The following SFT2D2 variants were observed in gnomAD, a reference collection of about 807,000 sequenced individuals.
SFT2D2 encodes the protein vesicle transport protein SFT2B.
A neutral mutation model predicts 27.4 loss-of-function variants in SFT2D2; 21 were observed. The ratio of observed to expected loss-of-function variants is 0.77; its 90% CI spans 0.54 to 1.10. The LOEUF is 1.10. Ranked by LOEUF, SFT2D2 falls within the 50% of genes least tolerant of loss-of-function variation. SFT2D2 has a pLI of 0.00. For missense variants in SFT2D2, 187 were observed against 194.2 expected, an observed-to-expected ratio of 0.96 and a Z score of 0.22; for synonymous variants, 72 against 71.7, an observed-to-expected ratio of 1.00 and a Z score of -0.02.
rs1161705452 is a variant in SFT2D2, at chr1:168,251,411, T to G, written c.*8871T>G. 1 of 152,206 alleles carries G rather than the reference T, an allele frequency of 6.6e-6. No homozygotes were observed. Among genetic ancestry groups the G allele is most frequent in the Non-Finnish European group, 1.5e-5 (1 of 68,038 alleles). The allele number at this position is 152,206 out of a possible 1,614,324, so 9.4% of individuals were successfully genotyped here. A position where few individuals can be genotyped will look rare whatever the true frequency, so the allele number is the denominator to read the frequency against. ...AGTGTGGAGGATCTGGCTTGGCTTC[T>G]GTTTTTGATAGCTCTATGAAAGTGA... On this transcript the variant is annotated 3_prime_UTR_variant, in exon 8 of 8. Coordinates refer to ENST00000271375, the MANE Select transcript of SFT2D2 (RefSeq NM_199344.3).
intron 7 of SFT2D2, among the ~76,000 whole-genome samples, chr1:168,240,456 A>G (rs1647616918): frequency 6.6e-6 from 1 of 152,070 alleles, no homozygotes; most frequent in Non-Finnish European, 1.5e-5. Flanking sequence ...ATGGGCAGGG[A>G]TGTCCTGGGA....
In SFT2D2 at chr1:168,236,569, T is replaced by C; in HGVS notation, c.319-20T>C. The C allele has an allele frequency of 6.2e-7, 1 of 1,608,004 alleles. No homozygotes were observed. The highest frequency in any genetic ancestry group is 8.5e-7 in the Non-Finnish European group (1 of 1,177,362). ...CTGCCATGTTATTGTCATTAATTAATGTTTCCTTTCTTCCTTTAGTTGTGT... is the reference window on the plus strand; with the variant it reads ...CTGCCATGTTATTGTCATTAATTAACGTTTCCTTTCTTCCTTTAGTTGTGT... On this transcript the variant is annotated intron_variant, in intron 4 of 7. Coordinates refer to ENST00000271375, the MANE Select transcript of SFT2D2 (RefSeq NM_199344.3).
intron 6 of SFT2D2, among the ~76,000 whole-genome samples, chr1:168,238,092 AGT>A (rs1647552004): frequency 6.6e-6 from 1 of 152,202 alleles, no homozygotes; most frequent in Non-Finnish European, 1.5e-5. Context: ...GCTAACTTAC[AGT>A]CTGCCTGACA....
chr1:168,237,860 TG>T (rs1169890078), intron 6 of SFT2D2, among the ~76,000 whole-genome samples: 45 of 101,572 alleles, frequency 4.4e-4, no homozygotes, highest in African/African-American at 1.5e-3. Flanking sequence ...TGTGTGTGTA[TG>T]TTTTTTTTTT....
chr1:168,234,737 A>G (rs1256084447), intron 3 of SFT2D2, among the ~76,000 whole-genome samples: 8 of 152,174 alleles, frequency 5.3e-5, no homozygotes. Context: ...GTTTGTTTCC[A>G]TGAGTAGTTA....
chr1:168,239,781 A>G (rs16860217), intron 7 of SFT2D2, among the ~76,000 whole-genome samples: 14,447 of 150,826 alleles, frequency 0.096, 994 homozygotes, highest in African/African-American at 0.19. Context: ...AATTAGCCGC[A>G]TGATCTTTGC....
chr1:168,243,920 C>T lies in SFT2D2; in HGVS notation c.*1380C>T, dbSNP rs114039306. 1 of 152,482 alleles carries T rather than the reference C, an allele frequency of 6.6e-6. No homozygotes were observed. Among genetic ancestry groups the T allele is most frequent in the East Asian group, 1.9e-4 (1 of 5,200 alleles). The allele number at this position is 152,482 out of a possible 1,614,324, so 9.4% of individuals were successfully genotyped here. On this transcript the variant is annotated 3_prime_UTR_variant, in exon 8 of 8. Transcript: ENST00000271375. ...CTGTCCCTTGTGTTCCCTTTCAGCT[C>T]CTCCTTGTTGCCTGACTACGATTAG...
chr1:168,227,628 T>G (rs1347624165), intron 1 of SFT2D2, among the ~76,000 whole-genome samples: 2 of 149,716 alleles, frequency 1.3e-5, no homozygotes. Flanking sequence ...ATTTCACGGG[T>G]TTTTTTTTCT....
intron 1 of SFT2D2, chr1:168,229,859 A>G (rs1700495587): frequency 6.6e-6 from 1 of 152,224 alleles, no homozygotes; most frequent in South Asian, 2.1e-4. Context: ...GCATCATCAC[A>G]TGGCTCATTT....
chr1:168,227,181 A>C (rs1700470818), intron 1 of SFT2D2, among the ~76,000 whole-genome samples: 1 of 152,192 alleles, frequency 6.6e-6, no homozygotes, highest in African/African-American at 2.4e-5. Flanking sequence ...GTAGAACCAC[A>C]CAGAATGCTG....
Position 168,246,947 on chromosome 1 carries a change from C to T in SFT2D2, c.*4407C>T, listed in dbSNP as rs544508513. ...TTATTGTGTGTATTTCCAGCCTGAG[C>T]CTGGCAATTTCATCTTGCATCAAAT... is the stretch of plus-strand genomic sequence containing the variant. On this transcript the variant is annotated 3_prime_UTR_variant, in exon 8 of 8. Transcript: ENST00000271375. 6.2e-6 allele frequency: 4 copies of T among 641,444 alleles called. No homozygotes were observed. Among genetic ancestry groups the T allele is most frequent in the Admixed American group, 3.9e-5 (2 of 50,798 alleles). 39.7% of individuals were successfully genotyped at this position (641,444 alleles called of 1,614,324 possible). A position where few individuals can be genotyped will look rare whatever the true frequency, so the allele number is the denominator to read the frequency against.
chr1:168,240,693 C>G (rs1194698485), intron 7 of SFT2D2, among the ~76,000 whole-genome samples: 1 of 152,112 alleles, frequency 6.6e-6, no homozygotes, highest in African/African-American at 2.4e-5. Context: ...GTGTGCGGAT[C>G]ACGAGGTCAG....
Position 168,231,875 on chromosome 1 carries a change from C to G in SFT2D2, c.192C>G (p.Leu64=), listed in dbSNP as rs1647326502. The G allele has an allele frequency of 1.9e-6, 3 of 1,614,148 alleles. No individual in the cohort carries two copies. The highest frequency in any genetic ancestry group is 2.5e-6 in the Non-Finnish European group (3 of 1,180,030). The change falls in exon 3 of 8, where the codon CTC becomes CTG. Residue 64 remains leucine, a synonymous_variant. Coordinates refer to ENST00000271375, the MANE Select transcript of SFT2D2 (RefSeq NM_199344.3). ...LLWVPRKGLH[L]FAVFYTFGNI... is the part of the protein sequence containing the mutation. ...GGGTGCCCAGGAAGGGACTACACCT[C>G]TTCGCAGTGTTTTATACCTTTGGTA...
chr1:168,238,290 A>C (rs924544812), intron 6 of SFT2D2, among the ~76,000 whole-genome samples: 3 of 150,090 alleles, frequency 2.0e-5, no homozygotes, highest in African/African-American at 5.0e-5. Context: ...TTTTAAAATT[A>C]ATAGGAGCAG....
Position 168,244,720 on chromosome 1 carries a change from G to A in SFT2D2, c.*2180G>A, listed in dbSNP as rs1377596211. 6.6e-6 allele frequency: 1 copy of A among 152,372 alleles called. No homozygotes were observed. Among genetic ancestry groups the A allele is most frequent in the East Asian group, 1.9e-4 (1 of 5,184 alleles). The allele number at this position is 152,372 out of a possible 1,614,324, so 9.4% of individuals were successfully genotyped here. A position where few individuals can be genotyped will look rare whatever the true frequency, so the allele number is the denominator to read the frequency against. On this transcript the variant is annotated 3_prime_UTR_variant, in exon 8 of 8. Coordinates refer to ENST00000271375, the MANE Select transcript of SFT2D2 (RefSeq NM_199344.3). ...AGGGCTGTGGTGTCAGAAGGGACAT[G>A]GAGGAGGTCAGGAGGGCTCATGGTT...
Position 168,232,265 on chromosome 1 carries a change from C to G in SFT2D2, c.236+346C>G, listed in dbSNP as rs1249368569. ...AGTTGATGGTTTTCAAAGGGCTCAT[C>G]ACTCCAGTGGCCATAAGGGAAACTG... On this transcript the variant is annotated intron_variant, in intron 3 of 7. Coordinates refer to ENST00000271375, the MANE Select transcript of SFT2D2 (RefSeq NM_199344.3). Among the ~76,000 whole-genome samples the G allele has an allele frequency of 5.9e-5, 9 of 152,284 alleles. No homozygotes were observed. The East Asian group carries it at 1.2e-3, about 20-fold the overall frequency.
At chr1:168,231,016 T>C (rs1647256223) in intron 1 of SFT2D2, among the ~76,000 whole-genome samples, 1 of 152,174 alleles carries the variant, frequency 6.6e-6, no homozygotes, top group African/African-American at 2.4e-5. Context: ...GAGTGAATAA[T>C]GTGGGTGAGA....
At chr1:168,226,225 A>T in intron 1 of SFT2D2, 83 bp downstream of exon 1, 1 of 1,293,548 alleles carries the variant, frequency 7.7e-7, no homozygotes, top group Non-Finnish European at 1.0e-6. Context: ...GCCTGCGGGG[A>T]CTCCCTGGAG....
rs1215019330 is a variant in SFT2D2 at position 168,245,157 on chromosome 1, G to A, written c.*2617G>A. The A allele has an allele frequency of 6.6e-6, 1 of 152,146 alleles. No homozygotes were observed. The highest frequency in any genetic ancestry group is 2.4e-5 in the African/African-American group (1 of 41,426). The allele number at this position is 152,146 out of a possible 1,614,324, so 9.4% of individuals were successfully genotyped here. A position where few individuals can be genotyped will look rare whatever the true frequency, so the allele number is the denominator to read the frequency against. ...AAATGAAAGGCCTTTAGATTGAAAA[G>A]AAATGAGTAAAACTGTCTATTCACA... is the stretch of plus-strand genomic sequence containing the variant. On this transcript the variant is annotated 3_prime_UTR_variant, in exon 8 of 8. Transcript: ENST00000271375.
Sources: gnomAD v4.1 joint callset for allele counts (sites outside exome capture counted in the v4.1 genomes callset) on GRCh38, gnomAD v4.1.1 for gene constraint, MANE v1.5 for transcripts, NCBI Gene and HGNC (gene_info 2026-07-23, HGNC 2026-07-21) for gene names.